The following CHID1 variants were observed in gnomAD, a reference collection of about 807,000 sequenced individuals.
CHID1 encodes chitinase domain-containing protein 1.
CHID1 carries 44 observed loss-of-function variants against 55.4 expected under a neutral mutation model. That is an observed-to-expected ratio of 0.79 (90% CI 0.62 to 1.02). The LOEUF (loss-of-function observed/expected upper bound fraction) is 1.02. Among genes scored for constraint, CHID1 ranks in the 50% least tolerant of loss-of-function variants. The probability of loss-of-function intolerance (pLI) is 0.00; values close to 1 mark genes in which losing one functional copy is unlikely to be tolerated. For missense variants in CHID1, 491 were observed against 515.3 expected, an observed-to-expected ratio of 0.95 and a Z score of 0.46; for synonymous variants, 216 against 212.9, an observed-to-expected ratio of 1.01 and a Z score of -0.13.
At chr11:900,136 G>C (rs1366045533) in intron 5 of CHID1, 26 bp from the exon 6 acceptor site, 4 of 1,574,786 alleles carry the variant, frequency 2.5e-6, no homozygotes, top group Non-Finnish European at 2.6e-6. Context: ...ACACACACGG[G>C]GGCCGTGACT....
intron 10 of CHID1, among the ~76,000 whole-genome samples, chr11:873,115 G>A (rs936481185): frequency 7.9e-5 from 12 of 152,172 alleles, no homozygotes; most frequent in African/African-American, 2.9e-4. Context: ...GTGGGGGTGT[G>A]TGCCCAGCTC....
intron 8 of CHID1, among the ~76,000 whole-genome samples, chr11:890,304 C>T (rs977798465): frequency 3.9e-5 from 6 of 152,248 alleles, no homozygotes; most frequent in African/African-American, 9.6e-5. Flanking sequence ...GGCAGGTGGG[C>T]GACGGGAGCA....
At chr11:912,004 AT>A (rs1223036326), upstream of CHID1, among the ~76,000 whole-genome samples, 1 of 152,078 alleles carries the variant, frequency 6.6e-6, no homozygotes, top group Non-Finnish European at 1.5e-5. Flanking sequence ...TTAGGATCTC[AT>A]TGAGGTCAGA....
rs377062052 is a variant in CHID1, at chr11:883,137, C to G, written c.959+11G>C. 4 of 1,606,884 alleles carry G rather than the reference C, an allele frequency of 2.5e-6. No homozygotes were observed. In the African/African-American group the frequency reaches 5.3e-5, roughly 21 times the overall value. Reference sequence around the variant, plus strand: ...ACACCTTCAGCACGGCAGGGAGAGCCCTTGGCTCACCTGGCCCCGACAACA... The same window carrying G: ...ACACCTTCAGCACGGCAGGGAGAGCGCTTGGCTCACCTGGCCCCGACAACA... On this transcript the variant is annotated intron_variant, in intron 10 of 12. Transcript: ENST00000323578.
chr11:884,291 T>TC (rs1193497629), intron 8 of CHID1, 122 bp from the exon 9 acceptor site: 2 of 679,136 alleles, frequency 2.9e-6, no homozygotes, highest in Middle Eastern at 8.3e-4. Context: ...GGAAAAGTGT[T>TC]CTTCTGGGGT....
At chr11:890,773 T>C (rs1850750668) in intron 8 of CHID1, among the ~76,000 whole-genome samples, 1 of 152,184 alleles carries the variant, frequency 6.6e-6, no homozygotes. Flanking sequence ...GGAGCAGGGC[T>C]GGAGGTCCGC....
chr11:872,997 C>T (rs757057219), intron 10 of CHID1, among the ~76,000 whole-genome samples: 5 of 152,202 alleles, frequency 3.3e-5, no homozygotes, highest in South Asian at 2.1e-4. Context: ...GTGGTGACCA[C>T]GCTGTGGGGG....
At chr11:910,912 GGGACTGGGCA>G (rs1852633066), upstream of CHID1, 2 of 915,152 alleles carry the variant, frequency 2.2e-6, no homozygotes, top group African/African-American at 3.7e-5. Context: ...GCCAGGACAG[GGGACTGGGCA>G]GGGCTGCCCG....
intron 8 of CHID1, among the ~76,000 whole-genome samples, chr11:888,586 C>G (rs1191739673): frequency 6.6e-6 from 1 of 152,252 alleles, no homozygotes; most frequent in Non-Finnish European, 1.5e-5. Flanking sequence ...ACAGGAATTA[C>G]TGCTCACACC....
In CHID1 at chr11:869,935, G is replaced by C. The variant is rs1210528761; in HGVS notation, c.1105C>G (p.Leu369Val). 1 of 1,612,654 alleles carries C rather than the reference G, an allele frequency of 6.2e-7. No individual in the cohort carries two copies. Among genetic ancestry groups the C allele is most frequent in the South Asian group, 1.1e-5 (1 of 91,080 alleles). Residue 369 changes from leucine to valine, a missense_variant, in exon 13 of 13, where the codon CTG becomes GTG. Coordinates refer to ENST00000323578, the MANE Select transcript of CHID1 (RefSeq NM_023947.4). The stretch of plus-strand genomic sequence containing the variant: ...ACCCCAACGCCCAGCTCCCGGGCCA[G>C]CTCCAGCCGCACCTGCAGGGACTGG... ...TLKSLQVRLE[L>V]ARELGVGVSI...
intron 8 of CHID1, among the ~76,000 whole-genome samples, chr11:889,305 C>T (rs1850632753): frequency 1.3e-5 from 2 of 152,242 alleles, no homozygotes; most frequent in Non-Finnish European, 2.9e-5. Context: ...CACCTTGGTC[C>T]TGACACTGGG....
chr11:885,726 G>C (rs994378338), intron 8 of CHID1, among the ~76,000 whole-genome samples: 1 of 152,140 alleles, frequency 6.6e-6, no homozygotes, highest in Admixed American at 6.5e-5. Context: ...CGAAACCCAA[G>C]ATCATTTCTT....
chr11:870,218 C>G (rs2134096620), intron 11 of CHID1, 55 bp from the exon 12 acceptor site: 2 of 1,608,164 alleles, frequency 1.2e-6, no homozygotes, highest in East Asian at 4.5e-5. Flanking sequence ...AGGCCTCCTC[C>G]CCTCACAGCC....
chr11:905,532 T>C (rs1589903938), intron 1 of CHID1, among the ~76,000 whole-genome samples: 2 of 152,022 alleles, frequency 1.3e-5, no homozygotes, highest in African/African-American at 4.8e-5. Flanking sequence ...TAGCCAGGTG[T>C]GGTGGCGTGC....
chr11:893,426 C>T lies in CHID1; in HGVS notation c.701+1G>A. The T allele has an allele frequency of 1.3e-6, 2 of 1,549,354 alleles. No homozygotes were observed. The highest frequency in any genetic ancestry group is 1.2e-5 in the South Asian group (1 of 83,946). Reference sequence around the variant, plus strand: ...CCCCACATCTCAAGAGCGGCACTTACCCGGGGGTGATGGCAGGCGGGATGA... The same window carrying T: ...CCCCACATCTCAAGAGCGGCACTTATCCGGGGGTGATGGCAGGCGGGATGA... On this transcript the variant is annotated splice_donor_variant, in intron 8 of 12. Coordinates refer to ENST00000323578, the MANE Select transcript of CHID1 (RefSeq NM_023947.4). LOFTEE classifies it high-confidence loss of function.
intron 8 of CHID1, among the ~76,000 whole-genome samples, chr11:887,536 T>C (rs1197238032): frequency 1.3e-5 from 2 of 152,230 alleles, no homozygotes. Flanking sequence ...TCCACGGTTC[T>C]GCTTCTGACT....
At chr11:870,340 T>TG in intron 11 of CHID1, 79 bp downstream of exon 11, 1 of 1,382,438 alleles carries the variant, frequency 7.2e-7, no homozygotes. Context: ...CCCTGGGCCC[T>TG]GCTGCTCCCT....
chr11:906,675 T>C lies in CHID1; in HGVS notation c.-43-1816A>G, dbSNP rs1488959716. Among the ~76,000 whole-genome samples the C allele has an allele frequency of 4.0e-5, 6 of 151,678 alleles. No homozygotes were observed. In the South Asian group the frequency reaches 6.3e-4, roughly 16 times the overall value. On this transcript the variant is annotated intron_variant, in intron 1 of 12. Transcript: ENST00000323578. ...ACAGTTCAGTCCCACAGAGAAAGCA[T>C]GTAGGGAGGGGTGGTAGAAAGCAAA...
rs937337421 is a variant in CHID1 at position 875,419 on chromosome 11, C to A, written c.960-4920G>T. 6.6e-6 allele frequency among the ~76,000 whole-genome samples: 1 copy of A among 152,240 alleles called. No individual in the cohort carries two copies. The highest frequency in any genetic ancestry group is 1.5e-5 in the Non-Finnish European group (1 of 68,050). On this transcript the variant is annotated intron_variant, in intron 10 of 12. Transcript: ENST00000323578. The surrounding 1 kb of genome is among the most constrained non-coding windows in gnomAD (Gnocchi z 4.7). The stretch of plus-strand genomic sequence containing the variant: ...CAGGTAATGCCAGCCAGTCCCTGCA[C>A]CTGGCCCCATTGGGGATGTGCTCAG...
Sources: gnomAD v4.1 joint callset for allele counts (sites outside exome capture counted in the v4.1 genomes callset) on GRCh38, gnomAD v4.1.1 for gene constraint, Gnocchi (gnomAD v3.1) non-coding constraint, MANE v1.5 for transcripts, NCBI Gene and HGNC (gene_info 2026-07-23, HGNC 2026-07-21) for gene names.